MYO18A: variants seen among roughly 807,000 people sequenced by gnomAD.
MYO18A encodes myosin XVIIIA, also known as unconventional myosin-XVIIIa.
In MYO18A, 78 loss-of-function variants were observed where a neutral mutation model predicts 235.8. The observed-to-expected ratio is 0.33, with a 90% CI of 0.28 to 0.40. The LOEUF (loss-of-function observed/expected upper bound fraction) is 0.40, where lower values mean the gene tolerates loss of function less well. Among genes scored for constraint, MYO18A ranks in the 10% least tolerant of loss-of-function variants. The probability of loss-of-function intolerance (pLI) is 1.00; values close to 1 mark genes in which losing one functional copy is unlikely to be tolerated. For missense variants in MYO18A, 2,215 were observed against 2,699.3 expected, an observed-to-expected ratio of 0.82 and a Z score of 3.98; for synonymous variants, 977 against 1,077.8, an observed-to-expected ratio of 0.91 and a Z score of 1.83.
At chr17:29,137,509 A>G (rs913204517) in intron 2 of MYO18A, among the ~76,000 whole-genome samples, 2 of 152,248 alleles carry the variant, frequency 1.3e-5, no homozygotes, top group Non-Finnish European at 2.9e-5. Flanking sequence ...CTCTTCGTGA[A>G]CAATAGCCAC....
chr17:29,150,974 G>A (rs115155739), intron 2 of MYO18A, among the ~76,000 whole-genome samples: 2,765 of 152,312 alleles, frequency 0.018, 71 homozygotes, highest in African/African-American at 0.062. Context: ...AGGAAGAAAG[G>A]AGGAGAGAGG....
rs2066575173 is a variant in MYO18A, at chr17:29,098,452, T to C, written c.3781-7A>G. ...GCAGCTGCTGGATCTCCTCCTAGGG[T>C]GGACCAAAGAGGGCAAAGTGAGCCA... On this transcript the variant is annotated splice_region_variant and splice_polypyrimidine_tract_variant and intron_variant, in intron 23 of 41. Coordinates refer to ENST00000527372, the MANE Select transcript of MYO18A (RefSeq NM_078471.4). The C allele has an allele frequency of 6.2e-7, 1 of 1,613,514 alleles. No individual in the cohort carries two copies. Among genetic ancestry groups the C allele is most frequent in the South Asian group, 1.1e-5 (1 of 91,076 alleles).
chr17:29,137,182 T>C (rs983127561), intron 2 of MYO18A: 11 of 152,244 alleles, frequency 7.2e-5, no homozygotes, highest in Non-Finnish European at 1.5e-4. Context: ...GGGGAGCTGT[T>C]TGTGCGTCTT....
At chr17:29,149,731 C>T (rs1282830426) in intron 2 of MYO18A, among the ~76,000 whole-genome samples, 3 of 150,926 alleles carry the variant, frequency 2.0e-5, no homozygotes, top group Non-Finnish European at 4.4e-5. Context: ...TTCCTCATGG[C>T]CCCCGGGGAC....
rs748508721 is a variant in MYO18A at position 29,081,102 on chromosome 17, CAG to C, written c.6020+1212_6020+1213del. ...GAGAGAGAGGAACAAGTATTAAACT[CAG>C]AGAATAAAGACACAGGGGGAGGGAG... On this transcript the variant is annotated intron_variant, in intron 41 of 41. Transcript: ENST00000527372. 51 of 705,226 alleles carry C rather than the reference CAG, an allele frequency of 7.2e-5. No individual in the cohort carries two copies. In the East Asian group the frequency reaches 1.2e-3, roughly 17 times the overall value. The allele number at this position is 705,226 out of a possible 1,614,324, so 43.7% of individuals were successfully genotyped here. A position where few individuals can be genotyped will look rare whatever the true frequency, so the allele number is the denominator to read the frequency against.
In MYO18A at chr17:29,121,917, C is replaced by T; in HGVS notation, c.1128G>A (p.Gly376=). The T allele has an allele frequency of 6.2e-7, 1 of 1,613,946 alleles. No individual in the cohort carries two copies. The highest frequency in any genetic ancestry group is 8.5e-7 in the Non-Finnish European group (1 of 1,179,866). The change falls in exon 4 of 42, where the codon GGG becomes GGA. Residue 376 remains glycine, a synonymous_variant. Coordinates refer to ENST00000527372, the MANE Select transcript of MYO18A (RefSeq NM_078471.4). The surrounding 1 kb of genome is among the most constrained non-coding windows in gnomAD (Gnocchi z 4.2). ...LKSEELNLPE[G]KVRVKLDHDG... is the part of the protein sequence containing the mutation. Reference sequence around the variant, plus strand: ...CGTGGTCCAGCTTCACACGCACCTTCCCCTCAGGCAAGTTGAGCTCCTCAG... The same window carrying T: ...CGTGGTCCAGCTTCACACGCACCTTTCCCTCAGGCAAGTTGAGCTCCTCAG...
At chr17:29,087,178 G>C in intron 37 of MYO18A, 57 bp from the exon 38 acceptor site, 1 of 1,552,276 alleles carries the variant, frequency 6.4e-7, no homozygotes, top group Admixed American at 1.8e-5. Flanking sequence ...GCCAGGCAGA[G>C]GGAGGGTGTG....
intron 2 of MYO18A, among the ~76,000 whole-genome samples, chr17:29,137,935 A>G (rs996809832): frequency 2.0e-5 from 3 of 152,142 alleles, no homozygotes; most frequent in African/African-American, 4.8e-5. Flanking sequence ...TCAAAAAAAA[A>G]GCAAAGGAGA....
chr17:29,152,185 C>G (rs1457530959), intron 2 of MYO18A, among the ~76,000 whole-genome samples: 1 of 152,212 alleles, frequency 6.6e-6, no homozygotes, highest in African/African-American at 2.4e-5. Context: ...GACTCTGGAA[C>G]TGGCAGGTCA....
intron 21 of MYO18A, 42 bp from the exon 22 acceptor site, chr17:29,099,804 G>A (rs761472128): frequency 6.3e-7 from 1 of 1,598,542 alleles, no homozygotes; most frequent in South Asian, 1.1e-5. Context: ...TACTGGGCCA[G>A]CCCAGCAGAG....
In MYO18A at chr17:29,092,363, T is replaced by C; in HGVS notation, c.5167A>G (p.Ile1723Val). 1 of 1,611,318 alleles carries C rather than the reference T, an allele frequency of 6.2e-7. No individual in the cohort carries two copies. Among genetic ancestry groups the C allele is most frequent in the Non-Finnish European group, 8.5e-7 (1 of 1,179,802 alleles). The change falls in exon 34 of 42, where the codon ATC becomes GTC. Residue 1723 changes from isoleucine to valine, a missense_variant. Physicochemically the swap from Ile to Val is conservative, Grantham distance 29. Coordinates refer to ENST00000527372, the MANE Select transcript of MYO18A (RefSeq NM_078471.4). ...CTCACCGCTGTCTTGGCTTTGGCGA[T>C]GTCATCAATCTGCAGGTGCAGGTCT... ...IEDLHLQIDD[I>V]AKAKTALEEQ...
At chr17:29,093,477 C>A (rs756399171) in intron 31 of MYO18A, 50 bp from the exon 32 acceptor site, 2 of 1,413,742 alleles carry the variant, frequency 1.4e-6, no homozygotes, top group East Asian at 2.3e-5. Flanking sequence ...GTGCCTGGTG[C>A]GAAGCAGGCC....
chr17:29,097,166 GCACCA>G, intron 27 of MYO18A, 52 bp downstream of exon 27: 1 of 1,593,434 alleles, frequency 6.3e-7, no homozygotes, highest in South Asian at 1.1e-5. Flanking sequence ...CCGACACAAG[GCACCA>G]GTCCTCTCCT....
chr17:29,118,170 G>A lies in MYO18A; in HGVS notation c.1913C>T (p.Ala638Val), dbSNP rs1228540163. The change falls in exon 10 of 42, where the codon GCA becomes GTA. Residue 638 changes from alanine to valine, a missense_variant. Physicochemically the swap from Ala to Val is moderately conservative, Grantham distance 64. Coordinates refer to ENST00000527372, the MANE Select transcript of MYO18A (RefSeq NM_078471.4). This position sits in a 1 kb window ranked among gnomAD's most constrained non-coding sequence, Gnocchi z 4.2. ...CTGCAGCTTACTAAACTGCTGAGCTGCCTTCTGCTTTTCCTCAGGCTGTGG... is the reference window on the plus strand; with the variant it reads ...CTGCAGCTTACTAAACTGCTGAGCTACCTTCTGCTTTTCCTCAGGCTGTGG... ...PLAKPEEKQK[A>V]AQQFSKLQAA... 2.5e-6 allele frequency: 4 copies of A among 1,599,692 alleles called. No homozygotes were observed. Among genetic ancestry groups the A allele is most frequent in the South Asian group, 1.1e-5 (1 of 88,674 alleles).
chr17:29,103,563 A>G (rs2066708475), intron 21 of MYO18A, 36 bp downstream of exon 21: 2 of 1,605,664 alleles, frequency 1.2e-6, no homozygotes, highest in Non-Finnish European at 1.7e-6. Flanking sequence ...GGGCCCCTGG[A>G]GTGAGGCCCG....
At chr17:29,128,438 G>A (rs1205087162) in intron 2 of MYO18A, 3 of 1,289,350 alleles carry the variant, frequency 2.3e-6, no homozygotes, top group Non-Finnish European at 3.0e-6. Context: ...CATGGCGAGT[G>A]TGGGTGCAGG....
intron 2 of MYO18A, among the ~76,000 whole-genome samples, chr17:29,145,950 A>T (rs992805231): frequency 2.6e-5 from 4 of 152,182 alleles, no homozygotes; most frequent in African/African-American, 9.7e-5. Context: ...GTGAAGAAGT[A>T]GTGTAAGAGA....
Position 29,120,736 on chromosome 17 carries a change from G to A in MYO18A, c.1608C>T (p.Tyr536=), listed in dbSNP as rs772101766. 35 of 1,613,610 alleles carry A rather than the reference G, an allele frequency of 2.2e-5. No homozygotes were observed. The highest frequency in any genetic ancestry group is 2.5e-5 in the Non-Finnish European group (30 of 1,179,778). ...VFSVEKWQAL[Y]TLLEAFGNSP... ...TGTTCCCAAAGGCTTCCAGGAGGGT[G>A]TACAGAGCCTGCCACTTCTCCACTG... The change falls in exon 7 of 42, where the codon TAC becomes TAT. Residue 536 remains tyrosine, a synonymous_variant. Coordinates refer to ENST00000527372, the MANE Select transcript of MYO18A (RefSeq NM_078471.4). The surrounding 1 kb of genome is among the most constrained non-coding windows in gnomAD (Gnocchi z 4.2).
At chr17:29,116,265 C>A (rs1035693473) in intron 11 of MYO18A, among the ~76,000 whole-genome samples, 179 bp downstream of exon 11, 1 of 152,182 alleles carries the variant, frequency 6.6e-6, no homozygotes, top group Non-Finnish European at 1.5e-5. Context: ...ACATTAGAAC[C>A]CTCCCTCTTG....
Sources: allele counts gnomAD v4.1 joint callset (sites outside exome capture counted in the v4.1 genomes callset), GRCh38; gene constraint gnomAD v4.1.1; non-coding constraint Gnocchi (gnomAD v3.1); transcripts MANE v1.5; gene names NCBI Gene and HGNC (gene_info 2026-07-23, HGNC 2026-07-21).